ANKS1B: variants seen among roughly 807,000 people sequenced by gnomAD.
ANKS1B encodes the protein ankyrin repeat and sterile alpha motif domain-containing protein 1B.
A neutral mutation model predicts 148.3 loss-of-function variants in ANKS1B; 36 were observed. The observed-to-expected ratio is 0.24, with a 90% confidence interval of 0.19 to 0.32. The LOEUF is 0.32. Among genes scored for constraint, ANKS1B ranks in the 10% least tolerant of loss-of-function variants. The pLI is 1.00. For missense variants in ANKS1B, 1,157 were observed against 1,542.6 expected (o/e 0.75, Z 4.19); for synonymous variants, 542 against 560.8 (o/e 0.97, Z 0.47).
At chr12:98,774,507 G>T (rs1362419857) in intron 24 of ANKS1B, among the ~76,000 whole-genome samples, 1 of 151,886 alleles carries the variant, frequency 6.6e-6, no homozygotes, top group African/African-American at 2.4e-5. Context: ...TGTTTAAAAA[G>T]AAAAAAAGAA....
intron 10 of ANKS1B, among the ~76,000 whole-genome samples, chr12:99,482,999 GC>G (rs1181478319): frequency 6.6e-6 from 1 of 151,032 alleles, no homozygotes; most frequent in Non-Finnish European, 1.5e-5. Context: ...TCTTTATCTT[GC>G]TTAATTGCTC....
chr12:99,182,740 G>A (rs1342585940), intron 14 of ANKS1B, among the ~76,000 whole-genome samples: 3 of 151,914 alleles, frequency 2.0e-5, no homozygotes, highest in African/African-American at 7.3e-5. Context: ...CCTCCAAACC[G>A]TTCTGCATAA....
chr12:98,927,619 T>C (rs1167090990), intron 17 of ANKS1B, among the ~76,000 whole-genome samples: 2 of 151,912 alleles, frequency 1.3e-5, no homozygotes, highest in Admixed American at 6.6e-5. Context: ...ATAATTTCTA[T>C]GACAATAATA....
chr12:98,929,021 C>T (rs559108233), intron 17 of ANKS1B, among the ~76,000 whole-genome samples: 3 of 150,172 alleles, frequency 2.0e-5, no homozygotes, highest in Admixed American at 1.3e-4. Context: ...ATTACGTGAT[C>T]GTTATATAGA....
At chr12:99,194,413 A>AAT (rs1275571936) in intron 14 of ANKS1B, among the ~76,000 whole-genome samples, 2 of 151,886 alleles carry the variant, frequency 1.3e-5, no homozygotes, top group East Asian at 3.9e-4. Context: ...CTTTAGTTTA[A>AAT]ATATATATAT....
At chr12:99,780,499 G>C (rs943607448) in intron 5 of ANKS1B, among the ~76,000 whole-genome samples, 1 of 151,796 alleles carries the variant, frequency 6.6e-6, no homozygotes, top group Admixed American at 6.6e-5. Flanking sequence ...AGCAAGGATG[G>C]TCTCGATATC....
intron 9 of ANKS1B, among the ~76,000 whole-genome samples, chr12:99,524,917 A>T (rs1015700894): frequency 3.3e-5 from 5 of 152,164 alleles, no homozygotes; most frequent in Non-Finnish European, 7.3e-5. Context: ...GTCCAAGATG[A>T]GATTTGGGTG....
At chr12:98,758,869 C>T (rs2153430198) in intron 25 of ANKS1B, among the ~76,000 whole-genome samples, 1 of 150,914 alleles carries the variant, frequency 6.6e-6, no homozygotes. Flanking sequence ...CCATCTCCAC[C>T]TCCCGGGTTC....
At chr12:99,868,964 T>C (rs1056241265) in intron 1 of ANKS1B, among the ~76,000 whole-genome samples, 1 of 151,816 alleles carries the variant, frequency 6.6e-6, no homozygotes, top group Non-Finnish European at 1.5e-5. Flanking sequence ...GGCTAAGGCA[T>C]GAGAATAGCT....
intron 11 of ANKS1B, among the ~76,000 whole-genome samples, chr12:99,439,494 G>C (rs1053513284): frequency 5.3e-5 from 8 of 151,754 alleles, no homozygotes; most frequent in Middle Eastern, 3.4e-3. Flanking sequence ...CTAAAAAAAA[G>C]AGGTGAGCAG....
At chr12:99,911,377 T>C (rs145914322) in intron 1 of ANKS1B, among the ~76,000 whole-genome samples, 1 of 152,092 alleles carries the variant, frequency 6.6e-6, no homozygotes, top group African/African-American at 2.4e-5. Context: ...TCTACAAACA[T>C]GGAAATTGGA....
intron 16 of ANKS1B, among the ~76,000 whole-genome samples, chr12:99,077,997 A>T (rs1194808757): frequency 1.3e-5 from 2 of 152,186 alleles, no homozygotes; most frequent in Non-Finnish European, 2.9e-5. Context: ...CAAAGTGTTT[A>T]TGAAAGAAAC....
chr12:98,993,281 C>T (rs2099927707), intron 17 of ANKS1B, among the ~76,000 whole-genome samples: 1 of 152,314 alleles, frequency 6.6e-6, no homozygotes, highest in Admixed American at 6.5e-5. Context: ...GATTCATACA[C>T]CTCAGCCTCC....
chr12:99,172,663 G>C (rs1320057197), intron 14 of ANKS1B, among the ~76,000 whole-genome samples: 2 of 152,108 alleles, frequency 1.3e-5, no homozygotes, highest in Non-Finnish European at 2.9e-5. Flanking sequence ...TAGCTTGATA[G>C]CCATGGCAAA....
chr12:99,812,362 T>C, intron 2 of ANKS1B, 51 bp from the exon 3 acceptor site: 2 of 1,538,954 alleles, frequency 1.3e-6, no homozygotes, highest in Non-Finnish European at 1.8e-6. Context: ...AGACAAACTG[T>C]ATTAAATAGG....
chr12:99,089,345 T>TC (rs756809557), intron 15 of ANKS1B, among the ~76,000 whole-genome samples: 16 of 151,842 alleles, frequency 1.1e-4, no homozygotes, highest in Non-Finnish European at 1.8e-4. Context: ...AATAAGCTGT[T>TC]CCCCCCCATC....
intron 1 of ANKS1B, among the ~76,000 whole-genome samples, chr12:99,954,161 A>T (rs1259676889): frequency 1.3e-5 from 2 of 152,268 alleles, no homozygotes; most frequent in Non-Finnish European, 2.9e-5. Context: ...TCAAGTGATC[A>T]GAATAAAATA....
At chr12:99,788,499 T>C (rs1189219705) in intron 4 of ANKS1B, among the ~76,000 whole-genome samples, 1 of 152,152 alleles carries the variant, frequency 6.6e-6, no homozygotes, top group Non-Finnish European at 1.5e-5. Flanking sequence ...CCTTGTTGTC[T>C]GAGAAATGCT....
intron 12 of ANKS1B, among the ~76,000 whole-genome samples, chr12:99,397,864 C>T (rs1421585000): frequency 6.6e-6 from 1 of 152,034 alleles, no homozygotes; most frequent in Admixed American, 6.6e-5. Flanking sequence ...TATGGGAAGG[C>T]CTCTATGAGG....
Sources: allele counts gnomAD v4.1 joint callset (sites outside exome capture counted in the v4.1 genomes callset), GRCh38; gene constraint gnomAD v4.1.1; transcripts MANE v1.5; gene names NCBI Gene and HGNC (gene_info 2026-07-23, HGNC 2026-07-21).